Variants in TUBB2B observed in about 807,000 individuals in gnomAD.
TUBB2B encodes tubulin beta 2B class IIb.
A neutral mutation model predicts 35.0 loss-of-function variants in TUBB2B; 5 were observed. The ratio of observed to expected loss-of-function variants is 0.14; its 90% confidence interval spans 0.07 to 0.30. The LOEUF is 0.30. Among genes scored for constraint, TUBB2B ranks in the 10% least tolerant of loss-of-function variants. TUBB2B has a pLI of 1.00. For missense variants in TUBB2B, 63 were observed against 601.8 expected, an observed-to-expected ratio of 0.10 and a Z score of 9.37; for synonymous variants, 166 against 250.5, an observed-to-expected ratio of 0.66 and a Z score of 3.18.
At position 3,227,433 on chromosome 6, in the gene TUBB2B, C is replaced by A; in HGVS notation, c.57+54G>T. The A allele has an allele frequency of 1.3e-6, 2 of 1,596,928 alleles. No homozygotes were observed. The highest frequency in any genetic ancestry group is 1.7e-6 in the Non-Finnish European group (2 of 1,177,606). On this transcript the variant is annotated intron_variant, in intron 1 of 3. Transcript: ENST00000259818. This position sits in a 1 kb window ranked among gnomAD's most constrained non-coding sequence, Gnocchi z 7.8. ...GACCGCGCCTGGGGACCCCGAGGGG[C>A]TCTCGGCCCAGGTTCGCGCCCCCAT...
In TUBB2B at chr6:3,226,888, G is replaced by T. The variant is rs1023086483; in HGVS notation, c.58-219C>A. On this transcript the variant is annotated intron_variant, in intron 1 of 3. Transcript: ENST00000259818. The surrounding 1 kb of genome is among the most constrained non-coding windows in gnomAD (Gnocchi z 5.5). ...GGCAAACAGCTGCCGCTCGCGGGGG[G>T]AGGTAGGGGTCGAGGGGGTAAGGAC... 4.6e-5 allele frequency among the ~76,000 whole-genome samples: 7 copies of T among 152,194 alleles called. No homozygotes were observed. The highest frequency in any genetic ancestry group is 1.4e-4 in the African/African-American group (6 of 41,462).
Position 3,226,143 on chromosome 6 carries a change from C to T in TUBB2B, c.277+16G>A. ...AAAATGAATCCCTCATGCTCTCAGCCACACCAGGCACTCACCAAACACGAA... is the reference window on the plus strand; with the variant it reads ...AAAATGAATCCCTCATGCTCTCAGCTACACCAGGCACTCACCAAACACGAA... On this transcript the variant is annotated intron_variant, in intron 3 of 3. Coordinates refer to ENST00000259818, the MANE Select transcript of TUBB2B (RefSeq NM_178012.5). The surrounding 1 kb of genome is among the most constrained non-coding windows in gnomAD (Gnocchi z 5.5). 1.2e-6 allele frequency: 2 copies of T among 1,607,756 alleles called. No individual in the cohort carries two copies. The highest frequency in any genetic ancestry group is 1.7e-6 in the Non-Finnish European group (2 of 1,174,786).
Position 3,225,066 on chromosome 6 carries a change from G to A in TUBB2B, c.1023C>T (p.Phe341=), listed in dbSNP as rs770156166. 22 of 919,068 alleles carry A rather than the reference G, an allele frequency of 2.4e-5. No individual in the cohort carries two copies. Among genetic ancestry groups the A allele is most frequent in the South Asian group, 1.6e-5 (1 of 61,908 alleles). 56.9% of individuals were successfully genotyped at this position (919,068 alleles called of 1,614,324 possible). Residue 341 remains phenylalanine, a synonymous_variant, in exon 4 of 4, where the codon TTC becomes TTT. Transcript: ENST00000259818. The part of the protein sequence containing the change: ...LNVQNKNSSY[F]VEWIPNNVKT... ...TCACGTTGTTGGGGATCCACTCCACGAAGTAGCTGCTGTTCTTGTTCTGCA... is the reference window on the plus strand; with the variant it reads ...TCACGTTGTTGGGGATCCACTCCACAAAGTAGCTGCTGTTCTTGTTCTGCA...
In TUBB2B at chr6:3,224,313, C is replaced by A; in HGVS notation, c.*438G>T. ...AATATTTATTAAAGGTATTTTAAAA[C>A]TCAGGTTGATCTCTCATCTTAACTG... On this transcript the variant is annotated 3_prime_UTR_variant, in exon 4 of 4. Transcript: ENST00000259818. 5.0e-6 allele frequency: 1 copy of A among 200,860 alleles called. No homozygotes were observed. Among genetic ancestry groups the A allele is most frequent in the South Asian group, 1.0e-4 (1 of 9,856 alleles). 12.4% of individuals were successfully genotyped at this position (200,860 alleles called of 1,614,324 possible). A position where few individuals can be genotyped will look rare whatever the true frequency, so the allele number is the denominator to read the frequency against.
At chr6:3,225,893 A>G (rs919571780) in intron 3 of TUBB2B, 82 bp from the exon 4 acceptor site, 26 of 1,587,544 alleles carry the variant, frequency 1.6e-5, no homozygotes, top group East Asian at 1.1e-4. Flanking sequence ...TAGATCAGTG[A>G]GTCAATGCTC....
rs1325888226 is a variant in TUBB2B at position 3,226,389 on chromosome 6, C to G, written c.167-120G>C. On this transcript the variant is annotated intron_variant, in intron 2 of 3. Transcript: ENST00000259818. The surrounding 1 kb of genome is among the most constrained non-coding windows in gnomAD (Gnocchi z 5.5). ...AAAGGGAGACCCACCATCAGGTTCT[C>G]AAAGGGCTCTGTTGGCATAAGGAAG... is the stretch of plus-strand genomic sequence containing the variant. 5 of 1,084,392 alleles carry G rather than the reference C, an allele frequency of 4.6e-6. No individual in the cohort carries two copies. In the Admixed American group the frequency reaches 9.7e-5, roughly 21 times the overall value. 67.2% of individuals were successfully genotyped at this position (1,084,392 alleles called of 1,614,324 possible).
rs1757244614 is a variant in TUBB2B, at chr6:3,224,381, G to A, written c.*370C>T. 1 of 315,906 alleles carries A rather than the reference G, an allele frequency of 3.2e-6. No homozygotes were observed. The highest frequency in any genetic ancestry group is 4.7e-5 in the Admixed American group (1 of 21,202). 19.6% of individuals were successfully genotyped at this position (315,906 alleles called of 1,614,324 possible). A position where few individuals can be genotyped will look rare whatever the true frequency, so the allele number is the denominator to read the frequency against. Reference sequence around the variant, plus strand: ...CCATACCGAAAGAATAAATTCATTTGAGCTTTTACCTACGCCTTTGCTTTT... The same window carrying A: ...CCATACCGAAAGAATAAATTCATTTAAGCTTTTACCTACGCCTTTGCTTTT... On this transcript the variant is annotated 3_prime_UTR_variant, in exon 4 of 4. Transcript: ENST00000259818.
Position 3,225,750 on chromosome 6 carries a change from G to C in TUBB2B, c.339C>G (p.Val113=). ...TCCTCACCACATCCAGGACCGAGTC[G>C]ACCAGCTCGGCTCCCTCTGTGTAGT... is the stretch of plus-strand genomic sequence containing the variant. The part of the protein sequence containing the change: ...KGHYTEGAEL[V]DSVLDVVRKE... The change falls in exon 4 of 4, where the codon GTC becomes GTG. Residue 113 remains valine, a synonymous_variant. Transcript: ENST00000259818. 1 of 1,612,988 alleles carries C rather than the reference G, an allele frequency of 6.2e-7. No homozygotes were observed.
chr6:3,226,124 A>G lies in TUBB2B; in HGVS notation c.277+35T>C. 6.3e-7 allele frequency: 1 copy of G among 1,579,888 alleles called. No homozygotes were observed. Among genetic ancestry groups the G allele is most frequent in the South Asian group, 1.1e-5 (1 of 90,296 alleles). On this transcript the variant is annotated intron_variant, in intron 3 of 3. Transcript: ENST00000259818. The surrounding 1 kb of genome is among the most constrained non-coding windows in gnomAD (Gnocchi z 5.5). ...AGCCTCCACTGCCCAGCGTAAAATG[A>G]ATCCCTCATGCTCTCAGCCACACCA...
chr6:3,225,759 G>T lies in TUBB2B; in HGVS notation c.330C>A (p.Ala110=). Residue 110 remains alanine, a synonymous_variant, in exon 4 of 4, where the codon GCC becomes GCA. Transcript: ENST00000259818. Reference sequence around the variant, plus strand: ...CATCCAGGACCGAGTCGACCAGCTCGGCTCCCTCTGTGTAGTGGCCCTTGG... The same window carrying T: ...CATCCAGGACCGAGTCGACCAGCTCTGCTCCCTCTGTGTAGTGGCCCTTGG... The part of the protein sequence containing the change: ...NWAKGHYTEG[A]ELVDSVLDVV... 1 of 1,613,022 alleles carries T rather than the reference G, an allele frequency of 6.2e-7. No homozygotes were observed. The highest frequency in any genetic ancestry group is 8.5e-7 in the Non-Finnish European group (1 of 1,179,662).
At position 3,226,076 on chromosome 6, in the gene TUBB2B, C is replaced by T; in HGVS notation, c.277+83G>A. On this transcript the variant is annotated intron_variant, in intron 3 of 3. Coordinates refer to ENST00000259818, the MANE Select transcript of TUBB2B (RefSeq NM_178012.5). The surrounding 1 kb of genome is among the most constrained non-coding windows in gnomAD (Gnocchi z 5.5). Reference sequence around the variant, plus strand: ...ACACCGCGGATGTTCTTCATGCTTTCCCTCTGGCAATCACACCTCTTCAGC... The same window carrying T: ...ACACCGCGGATGTTCTTCATGCTTTTCCTCTGGCAATCACACCTCTTCAGC... The T allele has an allele frequency of 7.0e-7, 1 of 1,423,068 alleles. No homozygotes were observed. Among genetic ancestry groups the T allele is most frequent in the Non-Finnish European group, 9.9e-7 (1 of 1,010,952 alleles). The allele number at this position is 1,423,068 out of a possible 1,614,324, so 88.2% of individuals were successfully genotyped here.
chr6:3,227,605 C>A lies in TUBB2B; in HGVS notation c.-62G>T. Reference sequence around the variant, plus strand: ...TGGGTCTGTCCGTCCTCCCCTCACACACCCACTGCGGGGTCACCGGGAAGG... The same window carrying A: ...TGGGTCTGTCCGTCCTCCCCTCACAAACCCACTGCGGGGTCACCGGGAAGG... On this transcript the variant is annotated 5_prime_UTR_variant, in exon 1 of 4. Transcript: ENST00000259818. The surrounding 1 kb of genome is among the most constrained non-coding windows in gnomAD (Gnocchi z 7.8). The A allele has an allele frequency of 6.3e-7, 1 of 1,596,036 alleles. No homozygotes were observed. Among genetic ancestry groups the A allele is most frequent in the East Asian group, 2.3e-5 (1 of 44,212 alleles).
Position 3,226,456 on chromosome 6 carries a change from G to T in TUBB2B, c.166+105C>A. 1 of 1,163,186 alleles carries T rather than the reference G, an allele frequency of 8.6e-7. No individual in the cohort carries two copies. Among genetic ancestry groups the T allele is most frequent in the South Asian group, 1.2e-5 (1 of 81,314 alleles). 72.1% of individuals were successfully genotyped at this position (1,163,186 alleles called of 1,614,324 possible). Reference sequence around the variant, plus strand: ...AGGGAAAGAGCGGGGATCCTAAACTGAATAGTCCACCCTCTCCCAGGGCCA... The same window carrying T: ...AGGGAAAGAGCGGGGATCCTAAACTTAATAGTCCACCCTCTCCCAGGGCCA... On this transcript the variant is annotated intron_variant, in intron 2 of 3. Coordinates refer to ENST00000259818, the MANE Select transcript of TUBB2B (RefSeq NM_178012.5). This position sits in a 1 kb window ranked among gnomAD's most constrained non-coding sequence, Gnocchi z 5.5.
chr6:3,227,642 C>G lies in TUBB2B; in HGVS notation c.-99G>C, dbSNP rs891492409. On this transcript the variant is annotated 5_prime_UTR_variant, in exon 1 of 4. Transcript: ENST00000259818. The surrounding 1 kb of genome is among the most constrained non-coding windows in gnomAD (Gnocchi z 7.8). The stretch of plus-strand genomic sequence containing the variant: ...GGTCACCGGGAAGGCGCTCGGGAAC[C>G]GACGGGCTGAGAGCGCCGGCCCCGC... The G allele has an allele frequency of 2.0e-6, 3 of 1,534,426 alleles. No individual in the cohort carries two copies. The highest frequency in any genetic ancestry group is 2.6e-6 in the Non-Finnish European group (3 of 1,133,478).
chr6:3,227,384 T>C lies in TUBB2B; in HGVS notation c.57+103A>G. On this transcript the variant is annotated intron_variant, in intron 1 of 3. Coordinates refer to ENST00000259818, the MANE Select transcript of TUBB2B (RefSeq NM_178012.5). The surrounding 1 kb of genome is among the most constrained non-coding windows in gnomAD (Gnocchi z 7.8). ...ACAAAGCGGCCAGGAAGGTCTGCAT[T>C]TGGCGATCCCCAGGCCTTCCCAGGA... The C allele has an allele frequency of 6.7e-7, 1 of 1,489,668 alleles. No homozygotes were observed. The highest frequency in any genetic ancestry group is 9.1e-7 in the Non-Finnish European group (1 of 1,100,522). The allele number at this position is 1,489,668 out of a possible 1,614,324, so 92.3% of individuals were successfully genotyped here.
intron 3 of TUBB2B, 81 bp from the exon 4 acceptor site, chr6:3,225,892 G>T: frequency 5.0e-6 from 8 of 1,588,250 alleles, no homozygotes; most frequent in Middle Eastern, 3.8e-4. Context: ...ATAGATCAGT[G>T]AGTCAATGCT....
Position 3,224,722 on chromosome 6 carries a change from G to C in TUBB2B, c.*29C>G, listed in dbSNP as rs2113818768. ...CCCCACCCCCTCGCTTTCCTCCTCC[G>C]CTTTCCCTAACCCGTCTCGCGGGGG... On this transcript the variant is annotated 3_prime_UTR_variant, in exon 4 of 4. Coordinates refer to ENST00000259818, the MANE Select transcript of TUBB2B (RefSeq NM_178012.5). 6 of 1,611,912 alleles carry C rather than the reference G, an allele frequency of 3.7e-6. No individual in the cohort carries two copies. The highest frequency in any genetic ancestry group is 5.1e-6 in the Non-Finnish European group (6 of 1,178,396).
Position 3,224,530 on chromosome 6 carries a change from A to T in TUBB2B, c.*221T>A. 4.4e-6 allele frequency: 3 copies of T among 682,136 alleles called. No individual in the cohort carries two copies. The highest frequency in any genetic ancestry group is 7.3e-6 in the Non-Finnish European group (3 of 413,010). 42.3% of individuals were successfully genotyped at this position (682,136 alleles called of 1,614,324 possible). A position where few individuals can be genotyped will look rare whatever the true frequency, so the allele number is the denominator to read the frequency against. ...AAACGTTTATGTGATTTTAGCCATT[A>T]CAACAGTAATTCAGAAATATCTCAA... On this transcript the variant is annotated 3_prime_UTR_variant, in exon 4 of 4. Transcript: ENST00000259818.
chr6:3,226,628 A>C lies in TUBB2B; in HGVS notation c.99T>G (p.Thr33=), dbSNP rs959727644. The C allele has an allele frequency of 1.2e-6, 2 of 1,614,200 alleles. No homozygotes were observed. Among genetic ancestry groups the C allele is most frequent in the African/African-American group, 1.3e-5 (1 of 75,060 alleles). ...AATCACTGTCTCCATGGTAACTGCC[A>C]GTGGGGTCAATCCCATGCTCATCAC... ...VISDEHGIDP[T]GSYHGDSDLQ... The change falls in exon 2 of 4, where the codon ACT becomes ACG. Residue 33 remains threonine, a synonymous_variant. Coordinates refer to ENST00000259818, the MANE Select transcript of TUBB2B (RefSeq NM_178012.5). This position sits in a 1 kb window ranked among gnomAD's most constrained non-coding sequence, Gnocchi z 5.5.
Sources: gnomAD v4.1 joint callset for allele counts (sites outside exome capture counted in the v4.1 genomes callset) on GRCh38, gnomAD v4.1.1 for gene constraint, Gnocchi (gnomAD v3.1) non-coding constraint, MANE v1.5 for transcripts, NCBI Gene and HGNC (gene_info 2026-07-23, HGNC 2026-07-21) for gene names.